Variants in TUSC3 observed in about 807,000 individuals in gnomAD.
TUSC3 encodes dolichyl-diphosphooligosaccharide--protein glycosyltransferase subunit TUSC3.
In TUSC3, 45 loss-of-function variants were observed where a neutral mutation model predicts 44.8. The observed-to-expected ratio is 1.00, with a 90% CI of 0.79 to 1.29. The LOEUF (loss-of-function observed/expected upper bound fraction) is 1.29. Among genes scored for constraint, TUSC3 ranks in the 50% most tolerant of loss-of-function variants. The probability of loss-of-function intolerance (pLI) is 0.00; values close to 1 mark genes in which losing one functional copy is unlikely to be tolerated. For missense variants in TUSC3, 519 were observed against 437.9 expected (o/e 1.19, Z -1.65); for synonymous variants, 212 against 152.9 (o/e 1.39, Z -2.85).
intron 1 of TUSC3, 103 bp downstream of exon 1, chr8:15,540,671 C>A: frequency 6.5e-6 from 9 of 1,391,448 alleles, no homozygotes; most frequent in South Asian, 1.6e-5. Context: ...TGGTCGCCGG[C>A]GTGGGCGATG....
intron 5 of TUSC3, among the ~76,000 whole-genome samples, chr8:15,663,218 A>T (rs1375850892): frequency 1.3e-5 from 2 of 151,912 alleles, no homozygotes; most frequent in African/African-American, 4.8e-5. Flanking sequence ...TAGAATGTTG[A>T]AATTGAGACT....
intron 2 of TUSC3, among the ~76,000 whole-genome samples, chr8:15,508,587 G>A (rs1263768657): frequency 2.1e-5 from 3 of 143,256 alleles, no homozygotes; most frequent in Non-Finnish European, 4.5e-5. Context: ...TCAGCCTCCC[G>A]AGTAGCTGGG....
intron 2 of TUSC3, among the ~76,000 whole-genome samples, chr8:15,640,577 A>C (rs539527214): frequency 6.6e-6 from 1 of 152,206 alleles, no homozygotes; most frequent in Non-Finnish European, 1.5e-5. Context: ...AGATCTGTAG[A>C]ATAAGCCTCC....
intron 1 of TUSC3, among the ~76,000 whole-genome samples, chr8:15,462,664 C>A (rs1481747515): frequency 6.6e-6 from 1 of 152,126 alleles, no homozygotes; most frequent in African/African-American, 2.4e-5. Context: ...AGTTGGTTCG[C>A]AGGCATTTAA....
intron 9 of TUSC3, among the ~76,000 whole-genome samples, chr8:15,751,537 C>T (rs1003336491): frequency 1.3e-5 from 2 of 152,118 alleles, no homozygotes; most frequent in African/African-American, 4.8e-5. Flanking sequence ...CTAAGTTTTT[C>T]ATCCCCCAGT....
At chr8:15,616,709 G>A (rs894405023) in intron 1 of TUSC3, among the ~76,000 whole-genome samples, 1 of 152,212 alleles carries the variant, frequency 6.6e-6, no homozygotes, top group Non-Finnish European at 1.5e-5. Flanking sequence ...CGCTACAACA[G>A]TCCTTGGGGG....
At position 15,446,469 on chromosome 8, in the gene TUSC3, C is replaced by T. The variant is rs186250974; in HGVS notation, n.91+29164C>T. ...CACTGAGTGAGCGAGACTCCGTCTGCAATCCCGGCACCTCAGGAGGCCCAG... is the reference window on the plus strand; with the variant it reads ...CACTGAGTGAGCGAGACTCCGTCTGTAATCCCGGCACCTCAGGAGGCCCAG... On this transcript the variant is annotated intron_variant and non_coding_transcript_variant, in intron 1 of 5. Coordinates refer to the TUSC3 transcript ENST00000503191. 2.6e-3 allele frequency among the ~76,000 whole-genome samples: 392 copies of T among 152,204 alleles called. 2 individuals carry two copies. The East Asian group carries it at 0.042, about 16-fold the overall frequency.
At chr8:15,789,406 G>C in the TUSC3 span, among the ~76,000 whole-genome samples, 2 of 152,016 alleles carry the variant, frequency 1.3e-5, no homozygotes, top group Non-Finnish European at 2.9e-5. Context: ...AGCCACTTTG[G>C]AACATTATTT....
At chr8:15,773,589 G>A in the TUSC3 span, among the ~76,000 whole-genome samples, 2 of 152,186 alleles carry the variant, frequency 1.3e-5, no homozygotes, top group South Asian at 4.1e-4. Flanking sequence ...TAAGAAAGCT[G>A]ATTCATATGA....
At chr8:15,556,748 T>C (rs1448100852) in intron 1 of TUSC3, among the ~76,000 whole-genome samples, 5 of 141,244 alleles carry the variant, frequency 3.5e-5, no homozygotes, top group South Asian at 2.4e-4. Context: ...ATTTCTCTGA[T>C]GGCCAGTGAT....
rs1225960046 is a variant in TUSC3 at position 15,721,402 on chromosome 8, T to G, written c.799-9264T>G. On this transcript the variant is annotated intron_variant, in intron 6 of 10. Transcript: ENST00000503731. ...CATTTTGGATTTACATTTATAATAA[T>G]GATATGAGAATATTAATGTTCCTTG... Among the ~76,000 whole-genome samples, 4 of 152,094 alleles carry G rather than the reference T, an allele frequency of 2.6e-5. No homozygotes were observed. In the East Asian group the frequency reaches 7.7e-4, roughly 29 times the overall value.
chr8:15,548,352 C>T (rs1235310773), intron 1 of TUSC3, among the ~76,000 whole-genome samples: 1 of 151,820 alleles, frequency 6.6e-6, no homozygotes, highest in African/African-American at 2.4e-5. Context: ...ATCATTATTT[C>T]AGCATCTTGC....
intron 1 of TUSC3, among the ~76,000 whole-genome samples, chr8:15,602,666 A>G (rs200469442): frequency 0.15 from 22,454 of 145,738 alleles, 1,747 homozygotes; most frequent in South Asian, 0.22. Flanking sequence ...AAATATTTAT[A>G]TGTGTGTGTG....
chr8:15,745,956 C>T (rs999824394), intron 8 of TUSC3, among the ~76,000 whole-genome samples: 1 of 151,914 alleles, frequency 6.6e-6, no homozygotes, highest in South Asian at 2.1e-4. Flanking sequence ...AGGGTAGGGG[C>T]CAAGTTTCAT....
Position 15,751,823 on chromosome 8 carries a change from T to TA in TUSC3, c.1028+3359dup, listed in dbSNP as rs1247755355. Among the ~76,000 whole-genome samples, 3 of 152,196 alleles carry TA rather than the reference T, an allele frequency of 2.0e-5. 1 individual carries two copies. The highest frequency in any genetic ancestry group is 4.4e-5 in the Non-Finnish European group (3 of 68,036). On this transcript the variant is annotated intron_variant, in intron 9 of 10. Transcript: ENST00000503731. Reference sequence around the variant, plus strand: ...TCAAAACTCTGTGGCTTCTTATTCCTACACCATGCACAGCTGAGTCAGAAT... The same window carrying TA: ...TCAAAACTCTGTGGCTTCTTATTCCTAACACCATGCACAGCTGAGTCAGAAT...
At chr8:15,838,640 C>G in the TUSC3 span, among the ~76,000 whole-genome samples, 9 of 152,078 alleles carry the variant, frequency 5.9e-5, no homozygotes, top group African/African-American at 2.2e-4. Context: ...TTGTTTTTGT[C>G]AGGTTTGTCA....
At chr8:15,627,877 C>T (rs1009114993) in intron 2 of TUSC3, among the ~76,000 whole-genome samples, 15 of 152,144 alleles carry the variant, frequency 9.9e-5, no homozygotes, top group African/African-American at 2.9e-4. Flanking sequence ...TGGCCGGTAG[C>T]GGGAGCTGAG....
intron 1 of TUSC3, among the ~76,000 whole-genome samples, chr8:15,431,888 C>G (rs550515553): frequency 1.8e-5 from 1 of 55,004 alleles, no homozygotes; most frequent in African/African-American, 3.4e-5. Flanking sequence ...GAATTTTGTT[C>G]AAATGCCATT....
chr8:15,779,959 T>C, the TUSC3 span, among the ~76,000 whole-genome samples: 1 of 152,238 alleles, frequency 6.6e-6, no homozygotes, highest in African/African-American at 2.4e-5. Flanking sequence ...TCACCATTTA[T>C]ATTCAACACT....
Sources: gnomAD v4.1 joint callset for allele counts (sites outside exome capture counted in the v4.1 genomes callset) on GRCh38, gnomAD v4.1.1 for gene constraint, MANE v1.5 for transcripts, NCBI Gene and HGNC (gene_info 2026-07-23, HGNC 2026-07-21) for gene names.